Variants in PDE7A observed in about 807,000 individuals in gnomAD.
The protein encoded by PDE7A is phosphodiesterase 7A, also known as high affinity 3',5'-cyclic-AMP phosphodiesterase 7A.
Under a neutral mutation model 64.3 loss-of-function variants are expected in PDE7A, and 39 were observed. The observed-to-expected ratio is 0.61, with a 90% CI of 0.47 to 0.79. The LOEUF is 0.79. PDE7A is among the 30% of genes least tolerant of loss of function. PDE7A has a pLI of 0.00. For missense variants in PDE7A, 470 were observed against 582.8 expected (o/e 0.81, Z 1.99); for synonymous variants, 203 against 206.8 (o/e 0.98, Z 0.16).
At chr8:65,805,165 G>A (rs942747077) in intron 1 of PDE7A, among the ~76,000 whole-genome samples, 3 of 152,146 alleles carry the variant, frequency 2.0e-5, no homozygotes, top group Non-Finnish European at 4.4e-5. Context: ...TTAATTCATT[G>A]TATGAACAGT....
intron 1 of PDE7A, among the ~76,000 whole-genome samples, chr8:65,822,928 T>C (rs1171950956): frequency 6.6e-6 from 1 of 150,858 alleles, no homozygotes; most frequent in Non-Finnish European, 1.5e-5. Flanking sequence ...ACTTATTATC[T>C]TATCTATTAA....
chr8:65,807,085 T>C (rs564620578), intron 1 of PDE7A, among the ~76,000 whole-genome samples: 185 of 152,356 alleles, frequency 1.2e-3, no homozygotes, highest in African/African-American at 4.2e-3. Context: ...TCAGCTGGGA[T>C]TCTGAAAGGG....
intron 1 of PDE7A, chr8:65,789,195 T>G (rs985093423): frequency 4.0e-6 from 2 of 500,410 alleles, no homozygotes; most frequent in African/African-American, 3.9e-5. Flanking sequence ...TAAGTAATGT[T>G]GGAAGAGGGG....
chr8:65,745,891 C>T (rs1317674550), intron 4 of PDE7A, among the ~76,000 whole-genome samples: 1 of 151,790 alleles, frequency 6.6e-6, no homozygotes, highest in East Asian at 1.9e-4. Context: ...AAGTTACTCA[C>T]TCTTTTATTA....
chr8:65,739,176 C>G (rs1351916281), intron 6 of PDE7A, among the ~76,000 whole-genome samples: 1 of 152,152 alleles, frequency 6.6e-6, no homozygotes, highest in Admixed American at 6.5e-5. Flanking sequence ...GTGCCAAACT[C>G]CTCTGCTTCT....
At chr8:65,726,993 C>T (rs1389578210) in intron 8 of PDE7A, 27 bp from the exon 9 acceptor site, 3 of 1,241,808 alleles carry the variant, frequency 2.4e-6, no homozygotes, top group Admixed American at 1.7e-5. Context: ...TTCTGAGTTA[C>T]TTAATGATAC....
At chr8:65,749,884 T>C (rs1017845238) in intron 3 of PDE7A, among the ~76,000 whole-genome samples, 4 of 152,234 alleles carry the variant, frequency 2.6e-5, no homozygotes, top group Non-Finnish European at 4.4e-5. Context: ...TTCAAAATAG[T>C]CTTTATTTCA....
chr8:65,760,858 A>G (rs1241110932), intron 3 of PDE7A, among the ~76,000 whole-genome samples: 1 of 152,176 alleles, frequency 6.6e-6, no homozygotes, highest in African/African-American at 2.4e-5. Context: ...GAGTGAAAAA[A>G]GCAAATAGAG....
At chr8:65,786,845 C>T (rs1585917762) in intron 1 of PDE7A, among the ~76,000 whole-genome samples, 1 of 152,048 alleles carries the variant, frequency 6.6e-6, no homozygotes, top group Non-Finnish European at 1.5e-5. Flanking sequence ...AAAACATGGG[C>T]GAGGCTGAGC....
chr8:65,737,373 T>C (rs1008314050), intron 6 of PDE7A, among the ~76,000 whole-genome samples: 1 of 152,158 alleles, frequency 6.6e-6, no homozygotes, highest in African/African-American at 2.4e-5. Flanking sequence ...ATTGCCAGTA[T>C]AGCTACTGGG....
chr8:65,785,249 A>C (rs1386698958), intron 1 of PDE7A, among the ~76,000 whole-genome samples: 1 of 152,198 alleles, frequency 6.6e-6, no homozygotes, highest in Admixed American at 6.5e-5. Flanking sequence ...GCTGAGGGAT[A>C]CAGAGGTAGG....
At chr8:65,786,811 T>C (rs1809569329) in intron 1 of PDE7A, among the ~76,000 whole-genome samples, 1 of 152,156 alleles carries the variant, frequency 6.6e-6, no homozygotes, top group Non-Finnish European at 1.5e-5. Context: ...TGGGAACAGC[T>C]TGTAAAGCGA....
In PDE7A at chr8:65,750,486, GTGTGTGTGTGTGTGTGTC is replaced by G. The variant is rs1807886029; in HGVS notation, c.284-2701_284-2684del. Among the ~76,000 whole-genome samples the G allele has an allele frequency of 2.2e-5, 3 of 136,162 alleles. No homozygotes were observed. In the South Asian group the frequency reaches 7.7e-4, roughly 35 times the overall value. 89.3% of individuals were successfully genotyped at this position (136,162 alleles called of 152,430 possible). On this transcript the variant is annotated intron_variant, in intron 3 of 12. Coordinates refer to ENST00000401827, the MANE Select transcript of PDE7A (RefSeq NM_001242318.3). ...TAAATTAGAATCACTGTGTGTGTGT[GTGTGTGTGTGTGTGTGTC>G]TGTGTGTGTCTGTGTGTGTGTGAGA... is the stretch of plus-strand genomic sequence containing the variant.
chr8:65,823,171 C>T (rs565049152), intron 1 of PDE7A, among the ~76,000 whole-genome samples: 1 of 152,028 alleles, frequency 6.6e-6, no homozygotes, highest in African/African-American at 2.4e-5. Flanking sequence ...GGTGGAAAAC[C>T]TCTAAAAAGT....
chr8:65,836,999 A>T (rs1255153043), intron 1 of PDE7A, among the ~76,000 whole-genome samples: 3 of 152,230 alleles, frequency 2.0e-5, no homozygotes, highest in African/African-American at 4.8e-5. Context: ...CATAAGGCTA[A>T]TCCTGATTTA....
intron 1 of PDE7A, among the ~76,000 whole-genome samples, chr8:65,801,943 A>G (rs1269920582): frequency 2.0e-5 from 3 of 152,252 alleles, no homozygotes; most frequent in Non-Finnish European, 4.4e-5. Context: ...ATATGTAATT[A>G]TAACACTTTG....
At chr8:65,750,583 C>G (rs1807899986) in intron 3 of PDE7A, among the ~76,000 whole-genome samples, 1 of 151,584 alleles carries the variant, frequency 6.6e-6, no homozygotes, top group Admixed American at 6.6e-5. Context: ...AGGTCCAAAA[C>G]ATGAATTAGC....
At chr8:65,809,213 T>C (rs1470146995) in intron 1 of PDE7A, among the ~76,000 whole-genome samples, 1 of 152,190 alleles carries the variant, frequency 6.6e-6, no homozygotes. Context: ...GACTATCAAA[T>C]GAAAGATGGT....
At chr8:65,768,328 T>C (rs913017969) in intron 3 of PDE7A, among the ~76,000 whole-genome samples, 4 of 152,182 alleles carry the variant, frequency 2.6e-5, no homozygotes, top group Non-Finnish European at 4.4e-5. Context: ...GAATTGTAAC[T>C]CCCACAATTC....
Sources: gnomAD v4.1 joint callset for allele counts (sites outside exome capture counted in the v4.1 genomes callset) on GRCh38, gnomAD v4.1.1 for gene constraint, MANE v1.5 for transcripts, NCBI Gene and HGNC (gene_info 2026-07-23, HGNC 2026-07-21) for gene names.